ARHGEF33: variants seen among roughly 807,000 people sequenced by gnomAD.
ARHGEF33 encodes Rho guanine nucleotide exchange factor 33.
ARHGEF33 carries 72 observed loss-of-function variants against 101.9 expected under a neutral mutation model. The ratio of observed to expected loss-of-function variants is 0.71; its 90% CI spans 0.58 to 0.86. ARHGEF33 has a LOEUF of 0.86. Among genes scored for constraint, ARHGEF33 ranks in the 40% least tolerant of loss-of-function variants. The probability of loss-of-function intolerance (pLI) is 0.00; values close to 1 mark genes in which losing one functional copy is unlikely to be tolerated. For synonymous variants in ARHGEF33, 499 were observed against 442.5 expected (o/e 1.13, Z -1.60); for missense variants, 1,169 against 1,111.3 (o/e 1.05, Z -0.74).
chr2:38,903,445 T>C (rs1217053115), intron 2 of ARHGEF33, among the ~76,000 whole-genome samples: 1 of 151,806 alleles, frequency 6.6e-6, no homozygotes, highest in African/African-American at 2.4e-5. Context: ...TTATTCTGCA[T>C]CTACTGGCTC....
intron 13 of ARHGEF33, among the ~76,000 whole-genome samples, chr2:38,955,537 G>A (rs1055589116): frequency 1.4e-5 from 2 of 138,570 alleles, no homozygotes; most frequent in Non-Finnish European, 3.0e-5. Flanking sequence ...TGCTCAGGCT[G>A]GAGTGCAGTG....
chr2:38,929,534 T>A (rs1027790118), intron 5 of ARHGEF33, among the ~76,000 whole-genome samples, 175 bp from the exon 6 acceptor site: 10 of 152,218 alleles, frequency 6.6e-5, no homozygotes, highest in Admixed American at 2.6e-4. Flanking sequence ...TCATGTTTTC[T>A]TTTTTGGAGC....
chr2:38,944,103 T>A (rs1369571318), intron 10 of ARHGEF33, 73 bp downstream of exon 10: 3 of 1,460,056 alleles, frequency 2.1e-6, no homozygotes, highest in Non-Finnish European at 2.7e-6. Flanking sequence ...TGTTTCCACT[T>A]TGGGATTTCT....
intron 4 of ARHGEF33, among the ~76,000 whole-genome samples, chr2:38,923,684 A>C (rs977663964): frequency 1.3e-5 from 2 of 152,200 alleles, no homozygotes; most frequent in African/African-American, 4.8e-5. Context: ...CAAGATGTCT[A>C]TATTGCTTTG....
intron 3 of ARHGEF33, among the ~76,000 whole-genome samples, chr2:38,920,558 C>T (rs1203878253): frequency 6.6e-6 from 1 of 152,004 alleles, no homozygotes; most frequent in Non-Finnish European, 1.5e-5. Context: ...CAGGTGCCTG[C>T]CACCACAGCC....
chr2:38,889,977 G>C lies in ARHGEF33; in HGVS notation c.-168G>C, dbSNP rs898506296. On this transcript the variant is annotated 5_prime_UTR_variant, in exon 1 of 18. Transcript: ENST00000409978. ...TCTGAGGATGATATAACCACCGCAG[G>C]CAACATGGGGTAAGTATGCGCTTTT... 1 of 469,296 alleles carries C rather than the reference G, an allele frequency of 2.1e-6. No homozygotes were observed. The highest frequency in any genetic ancestry group is 2.4e-5 in the Admixed American group (1 of 42,294). 29.1% of individuals were successfully genotyped at this position (469,296 alleles called of 1,614,324 possible).
chr2:38,944,505 G>A (rs940726585), intron 10 of ARHGEF33, among the ~76,000 whole-genome samples: 4 of 152,252 alleles, frequency 2.6e-5, no homozygotes, highest in Middle Eastern at 3.4e-3. Context: ...TGCATTGGGG[G>A]TTAAGTTTCC....
chr2:38,963,599 T>A (rs2124427885), intron 16 of ARHGEF33, among the ~76,000 whole-genome samples: 1 of 152,300 alleles, frequency 6.6e-6, no homozygotes, highest in South Asian at 2.1e-4. Flanking sequence ...AAGTATGAAA[T>A]GCTATTGAGA....
Position 38,929,746 on chromosome 2 carries a change from TCA to T in ARHGEF33, c.280_281del (p.Thr94PhefsTer25). Reference sequence around the variant, plus strand: ...AATGCCATGTCGATGATCCAAGCCATCACTTCCAAACAAGAAGAAATGCAACA... The same window carrying T: ...AATGCCATGTCGATGATCCAAGCCATCTTCCAAACAAGAAGAAATGCAACA... On this transcript the variant is annotated frameshift_variant, in exon 6 of 18. Transcript: ENST00000409978. LOFTEE classifies it high-confidence loss of function. 6.4e-7 allele frequency: 1 copy of T among 1,551,972 alleles called. No individual in the cohort carries two copies.
At chr2:38,932,509 G>A (rs960030445) in intron 7 of ARHGEF33, among the ~76,000 whole-genome samples, 1 of 152,000 alleles carries the variant, frequency 6.6e-6, no homozygotes, top group African/African-American at 2.4e-5. Context: ...AAACTCACTT[G>A]GTCCATCTGG....
intron 4 of ARHGEF33, 35 bp downstream of exon 4, chr2:38,921,458 G>A (rs1666754993): frequency 7.2e-7 from 1 of 1,394,558 alleles, no homozygotes; most frequent in African/African-American, 1.4e-5. Flanking sequence ...ATGCTCCCAT[G>A]TATAATAGCA....
At chr2:38,973,531 C>T (rs564225110) in intron 17 of ARHGEF33, among the ~76,000 whole-genome samples, 183 bp from the exon 18 acceptor site, 1 of 152,236 alleles carries the variant, frequency 6.6e-6, no homozygotes, top group East Asian at 1.9e-4. Context: ...AAGATATTCT[C>T]TTTATGTTCA....
In ARHGEF33 at chr2:38,960,465, C is replaced by A; in HGVS notation, c.2160C>A (p.Gly720=). The stretch of plus-strand genomic sequence containing the variant: ...TCCCGCGTGCGCCGCCAGCCGACGG[C>A]GTGGCCCCACGCCTCTACAGCACGC... The part of the protein sequence containing the change: ...KEFPRAPPAD[G]VAPRLYSTRS... The change falls in exon 16 of 18, where the codon GGC becomes GGA. Residue 720 remains glycine, a synonymous_variant. Coordinates refer to ENST00000409978, the MANE Select transcript of ARHGEF33 (RefSeq NM_001145451.5). 4 of 1,492,600 alleles carry A rather than the reference C, an allele frequency of 2.7e-6. No homozygotes were observed. Among genetic ancestry groups the A allele is most frequent in the South Asian group, 1.3e-5 (1 of 78,784 alleles). 92.5% of individuals were successfully genotyped at this position (1,492,600 alleles called of 1,614,324 possible). A position where few individuals can be genotyped will look rare whatever the true frequency, so the allele number is the denominator to read the frequency against.
chr2:38,960,751 C>A lies in ARHGEF33; in HGVS notation c.2343+103C>A, dbSNP rs539118623. 139 of 973,688 alleles carry A rather than the reference C, an allele frequency of 1.4e-4. No homozygotes were observed. The African/African-American group carries it at 2.4e-3, about 17-fold the overall frequency. The allele number at this position is 973,688 out of a possible 1,614,324, so 60.3% of individuals were successfully genotyped here. ...TAGCGTGGAGAGGAGCGGGGCCGGG[C>A]CAGGCTAGGGGGCGGCTGCGCGAGC... On this transcript the variant is annotated intron_variant, in intron 16 of 17. Transcript: ENST00000409978.
At chr2:38,969,566 G>A (rs1237388924) in intron 17 of ARHGEF33, 1 of 169,092 alleles carries the variant, frequency 5.9e-6, no homozygotes, top group Non-Finnish European at 1.5e-5. Context: ...GGAGAGTCAA[G>A]TTGACATCAT....
intron 7 of ARHGEF33, among the ~76,000 whole-genome samples, chr2:38,934,166 T>C (rs1310771644): frequency 5.9e-5 from 9 of 152,222 alleles, no homozygotes; most frequent in Non-Finnish European, 1.3e-4. Flanking sequence ...CTCCTGATAG[T>C]TTTTGGTACC....
rs114039013 is a variant in ARHGEF33 at position 38,950,193 on chromosome 2, G to A, written c.921-796G>A. On this transcript the variant is annotated intron_variant, in intron 10 of 17. Coordinates refer to ENST00000409978, the MANE Select transcript of ARHGEF33 (RefSeq NM_001145451.5). ...ACCCTCTGATACCCTACAACTCCCT[G>A]AGCTTTTTAGTTGCCAACTTTAAAC... Among the ~76,000 whole-genome samples, 1,312 of 152,248 alleles carry A rather than the reference G, an allele frequency of 8.6e-3. 11 individuals are homozygous for A. Among genetic ancestry groups the A allele is most frequent in the Admixed American group, 0.014 (216 of 15,302 alleles).
At position 38,898,184 on chromosome 2, in the gene ARHGEF33, A is replaced by C. The variant is rs980274727; in HGVS notation, c.-86+2335A>C. On this transcript the variant is annotated intron_variant, in intron 2 of 17. Transcript: ENST00000409978. The stretch of plus-strand genomic sequence containing the variant: ...CCACTTGATTCTGATTTTGGAGGGG[A>C]TCATTGACTAAATGATATATTATTT... 3.9e-5 allele frequency among the ~76,000 whole-genome samples: 6 copies of C among 152,202 alleles called. No homozygotes were observed. The East Asian group carries it at 1.2e-3, about 29-fold the overall frequency.
intron 9 of ARHGEF33, among the ~76,000 whole-genome samples, chr2:38,939,300 T>A (rs1376666210): frequency 6.6e-6 from 1 of 152,196 alleles, no homozygotes; most frequent in Non-Finnish European, 1.5e-5. Flanking sequence ...GTACAAATTT[T>A]TTTTTAGTGG....
Sources: gnomAD v4.1 joint callset for allele counts (sites outside exome capture counted in the v4.1 genomes callset) on GRCh38, gnomAD v4.1.1 for gene constraint, MANE v1.5 for transcripts, NCBI Gene and HGNC (gene_info 2026-07-23, HGNC 2026-07-21) for gene names.